The following CGGBP1 variants were observed in gnomAD, a reference collection of about 807,000 sequenced individuals.
CGGBP1 encodes the protein CGG triplet repeat binding protein 1.
Under a neutral mutation model 11.4 loss-of-function variants are expected in CGGBP1, and 4 were observed. The ratio of observed to expected loss-of-function variants is 0.35; its 90% CI spans 0.17 to 0.80. CGGBP1 has a LOEUF of 0.80. Among genes scored for constraint, CGGBP1 ranks in the 30% least tolerant of loss-of-function variants. CGGBP1 has a pLI of 0.52. For missense variants in CGGBP1, 135 were observed against 202.1 expected (o/e 0.67, Z 2.01); for synonymous variants, 76 against 74.1 (o/e 1.03, Z -0.13).
chr3:88,088,623 G>A (rs990399757), intron 2 of CGGBP1, among the ~76,000 whole-genome samples: 38 of 152,178 alleles, frequency 2.5e-4, no homozygotes, highest in African/African-American at 9.2e-4. Flanking sequence ...AAATGTGTGT[G>A]TGTACACTGT....
chr3:88,122,275 A>G (rs1705815677), intron 2 of CGGBP1, among the ~76,000 whole-genome samples: 1 of 152,188 alleles, frequency 6.6e-6, no homozygotes, highest in Non-Finnish European at 1.5e-5. Flanking sequence ...GACCAGGCTG[A>G]AGAAAAGAAT....
chr3:88,061,005 TG>T (rs1228623588), upstream of CGGBP1, among the ~76,000 whole-genome samples: 2 of 152,116 alleles, frequency 1.3e-5, no homozygotes, highest in African/African-American at 4.8e-5. Context: ...TTCTTGAAAA[TG>T]TATTTTTATT....
intron 2 of CGGBP1, among the ~76,000 whole-genome samples, chr3:88,102,817 C>CTTTTTTTT (rs10701359): frequency 1.5e-4 from 16 of 106,490 alleles, no homozygotes; most frequent in East Asian, 3.0e-4. Flanking sequence ...CCTCTACTGT[C>CTTTTTTTT]TTTTTTTTTT....
At chr3:88,114,854 T>C (rs940486190) in intron 2 of CGGBP1, among the ~76,000 whole-genome samples, 6 of 152,240 alleles carry the variant, frequency 3.9e-5, no homozygotes, top group Non-Finnish European at 8.8e-5. Context: ...TCCAAGCTTA[T>C]GAATTCTCCA....
At chr3:88,113,343 T>C in intron 2 of CGGBP1, 1 of 471,194 alleles carries the variant, frequency 2.1e-6, no homozygotes, top group Non-Finnish European at 3.7e-6. Context: ...TATTACTGGC[T>C]GATAAAGAAA....
rs115604256 is a variant in CGGBP1, at chr3:88,084,493, G to A, written c.-228-26270C>T. 5.3e-3 allele frequency among the ~76,000 whole-genome samples: 810 copies of A among 152,288 alleles called. 4 individuals carry two copies. The highest frequency in any genetic ancestry group is 0.017 in the African/African-American group (695 of 41,536). ...TTTAGTCTGTAGTGATGACCGCATA[G>A]TTAGTAGTAGTTTTTACTTTCCAGC... On this transcript the variant is annotated intron_variant, in intron 2 of 3. Coordinates refer to the CGGBP1 transcript ENST00000462901.
At chr3:88,075,264 C>T (rs1448182100) in intron 2 of CGGBP1, among the ~76,000 whole-genome samples, 1 of 152,220 alleles carries the variant, frequency 6.6e-6, no homozygotes, top group African/African-American at 2.4e-5. Context: ...GTTTGTAACG[C>T]TTCAAGCATA....
At chr3:88,133,072 A>G (rs1027592481) in intron 2 of CGGBP1, among the ~76,000 whole-genome samples, 9 of 152,184 alleles carry the variant, frequency 5.9e-5, no homozygotes, top group Admixed American at 5.2e-4. Context: ...CAGCAGGAAC[A>G]TCAACAAACC....
chr3:88,142,773 G>A (rs1326661403), intron 1 of CGGBP1: 1 of 152,114 alleles, frequency 6.6e-6, no homozygotes, highest in Admixed American at 6.6e-5. Context: ...ATTTTTATAT[G>A]TAAAAGGAAG....
At chr3:88,140,211 T>C in intron 2 of CGGBP1, 2 of 1,613,874 alleles carry the variant, frequency 1.2e-6, no homozygotes, top group Non-Finnish European at 1.7e-6. Context: ...TCAGTGTAGT[T>C]TTCCAGAATG....
intron 2 of CGGBP1, among the ~76,000 whole-genome samples, chr3:88,099,158 T>C (rs1184672128): frequency 2.0e-5 from 3 of 152,140 alleles, no homozygotes; most frequent in African/African-American, 7.2e-5. Context: ...AAAATCAATG[T>C]GCAAAAATCA....
At chr3:88,061,506 C>T (rs758957269), upstream of CGGBP1, among the ~76,000 whole-genome samples, 2 of 152,084 alleles carry the variant, frequency 1.3e-5, no homozygotes, top group African/African-American at 2.4e-5. Context: ...TTACCTGAAA[C>T]TTTACATATT....
rs1240275062 is a variant in CGGBP1, at chr3:88,058,933, C to A, written c.-449G>T. 5 of 195,796 alleles carry A rather than the reference C, an allele frequency of 2.6e-5. No homozygotes were observed. The highest frequency in any genetic ancestry group is 5.1e-5 in the Non-Finnish European group (5 of 97,656). 12.1% of individuals were successfully genotyped at this position (195,796 alleles called of 1,614,324 possible). On this transcript the variant is annotated 5_prime_UTR_variant, in exon 1 of 4. Coordinates refer to ENST00000482016, the MANE Select transcript of CGGBP1 (RefSeq NM_001008390.2). ...GGAGGATCCGTCGCTGCCGCCGTCG[C>A]CGCCGTTGCCCGATCGAGCCCCGCG...
At chr3:88,130,692 A>G (rs1453519555) in intron 2 of CGGBP1, among the ~76,000 whole-genome samples, 1 of 149,508 alleles carries the variant, frequency 6.7e-6, no homozygotes, top group Non-Finnish European at 1.5e-5. Context: ...CTTGGGCTCA[A>G]GTAAATCTGC....
chr3:88,087,691 C>T (rs1708409952), intron 2 of CGGBP1, among the ~76,000 whole-genome samples: 1 of 152,148 alleles, frequency 6.6e-6, no homozygotes, highest in Non-Finnish European at 1.5e-5. Context: ...ACACTTATTA[C>T]AAATTGCAAT....
At chr3:88,102,817 C>CTTTTTTTTTTTTT (rs10701359) in intron 2 of CGGBP1, among the ~76,000 whole-genome samples, 10 of 106,500 alleles carry the variant, frequency 9.4e-5, no homozygotes, top group East Asian at 3.0e-4. Context: ...CCTCTACTGT[C>CTTTTTTTTTTTTT]TTTTTTTTTT....
At chr3:88,132,430 G>A (rs1400516105) in intron 2 of CGGBP1, among the ~76,000 whole-genome samples, 1 of 152,132 alleles carries the variant, frequency 6.6e-6, no homozygotes, top group African/African-American at 2.4e-5. Context: ...ACGTGTATAA[G>A]CTTCATTAAA....
At chr3:88,059,218 A>AG, upstream of CGGBP1, 1 of 1,479,842 alleles carries the variant, frequency 6.8e-7, no homozygotes. Context: ...GCTAGGGAGG[A>AG]GGGAAGGGGG....
intron 2 of CGGBP1, chr3:88,139,676 A>G (rs750094510): frequency 6.2e-7 from 1 of 1,603,990 alleles, no homozygotes; most frequent in Admixed American, 1.7e-5. Context: ...TAAGTGTACC[A>G]GAAGATGTTA....
Sources: allele counts gnomAD v4.1 joint callset (sites outside exome capture counted in the v4.1 genomes callset), GRCh38; gene constraint gnomAD v4.1.1; transcripts MANE v1.5; gene names NCBI Gene and HGNC (gene_info 2026-07-23, HGNC 2026-07-21).